Variants in OTUD7A observed in about 807,000 individuals in gnomAD.
OTUD7A encodes the protein OTU domain-containing protein 7A.
Under a neutral mutation model 65.7 loss-of-function variants are expected in OTUD7A, and 12 were observed. The observed-to-expected ratio is 0.18, with a 90% CI of 0.12 to 0.30. The LOEUF is 0.30. OTUD7A is among the 10% of genes least tolerant of loss of function. OTUD7A has a pLI of 1.00. For synonymous variants in OTUD7A, 641 were observed against 586.3 expected, an observed-to-expected ratio of 1.09 and a Z score of -1.35; for missense variants, 1,148 against 1,304.8, an observed-to-expected ratio of 0.88 and a Z score of 1.85.
At position 31,483,862 on chromosome 15, in the gene OTUD7A, G is replaced by A. The variant is rs1372079120; in HGVS notation, c.2234C>T (p.Ala745Val). 1.7e-5 allele frequency: 17 copies of A among 985,924 alleles called. No individual in the cohort carries two copies. Among genetic ancestry groups the A allele is most frequent in the Non-Finnish European group, 1.8e-5 (15 of 832,218 alleles). The allele number at this position is 985,924 out of a possible 1,614,324, so 61.1% of individuals were successfully genotyped here. The change falls in exon 13 of 13, where the codon GCG becomes GTG. Residue 745 changes from alanine (A) to valine (V), a missense_variant. By Grantham distance (64) the Ala-to-Val change is moderately conservative. Transcript: ENST00000307050. ...CCCCGGGGAGGCCGTGCCGCCCGCCGCCGCCCGCGCCGCACGCCCTGCCGC... is the reference window on the plus strand; with the variant it reads ...CCCCGGGGAGGCCGTGCCGCCCGCCACCGCCCGCGCCGCACGCCCTGCCGC... ...GPAAGRAARA[A>V]AGGTASPGGG... is the part of the protein sequence containing the mutation.
intron 8 of OTUD7A, among the ~76,000 whole-genome samples, chr15:31,516,663 G>A (rs904147301): frequency 4.6e-5 from 7 of 152,318 alleles, no homozygotes; most frequent in East Asian, 1.9e-4. Flanking sequence ...ACTTAGAGGC[G>A]ACTCTCTGCC....
intron 1 of OTUD7A, among the ~76,000 whole-genome samples, chr15:31,810,588 TTCA>T (rs1896391985): frequency 6.6e-6 from 1 of 152,162 alleles, no homozygotes; most frequent in East Asian, 1.9e-4. Flanking sequence ...TGCCAGCACC[TTCA>T]TCTGGGATTT....
At chr15:31,583,044 GA>G (rs201722946) in intron 3 of OTUD7A, among the ~76,000 whole-genome samples, 9,343 of 152,252 alleles carry the variant, frequency 0.061, 979 homozygotes, top group African/African-American at 0.21. Context: ...CAGTATGCTG[GA>G]AAGTGTGTTC....
At chr15:31,782,490 T>C (rs567463663) in intron 1 of OTUD7A, among the ~76,000 whole-genome samples, 8 of 152,170 alleles carry the variant, frequency 5.3e-5, no homozygotes, top group African/African-American at 1.9e-4. Context: ...CACAGGCAGA[T>C]GCTAGGATTC....
intron 1 of OTUD7A, among the ~76,000 whole-genome samples, chr15:31,666,040 T>G (rs1381115121): frequency 2.0e-5 from 3 of 152,006 alleles, no homozygotes; most frequent in African/African-American, 7.3e-5. Flanking sequence ...TTTTTGATAT[T>G]TTGTTGGATT....
At chr15:31,848,694 CAAAT>C (rs1004541750) in intron 1 of OTUD7A, among the ~76,000 whole-genome samples, 7 of 152,188 alleles carry the variant, frequency 4.6e-5, no homozygotes, top group African/African-American at 9.7e-5. Context: ...TGATAGCAAA[CAAAT>C]AGAGTTCTGA....
At chr15:31,585,481 A>G (rs74012546) in intron 3 of OTUD7A, among the ~76,000 whole-genome samples, 4,022 of 152,292 alleles carry the variant, frequency 0.026, 176 homozygotes, top group African/African-American at 0.091. Context: ...ACCCAGGAGA[A>G]TACCTACAGG....
intron 1 of OTUD7A, among the ~76,000 whole-genome samples, chr15:31,732,824 T>C (rs956767973): frequency 6.6e-6 from 1 of 152,234 alleles, no homozygotes; most frequent in African/African-American, 2.4e-5. Flanking sequence ...TCACACAGAA[T>C]ACTTGCTTAC....
intron 1 of OTUD7A, among the ~76,000 whole-genome samples, chr15:31,854,384 T>C (rs905950515): frequency 7.9e-5 from 12 of 152,326 alleles, no homozygotes; most frequent in East Asian, 3.9e-4. Context: ...AGATGACATA[T>C]GCAGAGGTTC....
At chr15:31,856,643 A>C (rs1054813838) in intron 1 of OTUD7A, among the ~76,000 whole-genome samples, 5 of 152,226 alleles carry the variant, frequency 3.3e-5, no homozygotes, top group Admixed American at 3.3e-4. Flanking sequence ...AGCAAAGTGA[A>C]GCTCACTCAG....
intron 3 of OTUD7A, among the ~76,000 whole-genome samples, chr15:31,593,708 G>A (rs984736924): frequency 1.3e-5 from 2 of 152,020 alleles, no homozygotes; most frequent in African/African-American, 2.4e-5. Context: ...CAGCGGGGGG[G>A]ACTTTTAGAA....
At chr15:31,769,559 C>T (rs968889718) in intron 1 of OTUD7A, among the ~76,000 whole-genome samples, 3 of 152,188 alleles carry the variant, frequency 2.0e-5, no homozygotes, top group African/African-American at 7.2e-5. Flanking sequence ...TAGAACCTCC[C>T]AAATATCCTT....
At chr15:31,787,339 T>A (rs1351338924) in intron 1 of OTUD7A, among the ~76,000 whole-genome samples, 1 of 152,208 alleles carries the variant, frequency 6.6e-6, no homozygotes, top group Non-Finnish European at 1.5e-5. Context: ...GGTTTTCTAA[T>A]ACGAATTATA....
intron 1 of OTUD7A, among the ~76,000 whole-genome samples, chr15:31,796,609 C>T (rs148701213): frequency 8.5e-5 from 13 of 152,258 alleles, no homozygotes; most frequent in South Asian, 2.1e-4. Flanking sequence ...ATTTAATCAC[C>T]GTGATTGTTA....
chr15:31,813,090 G>A (rs1567036652), intron 1 of OTUD7A, among the ~76,000 whole-genome samples: 1 of 152,164 alleles, frequency 6.6e-6, no homozygotes, highest in Admixed American at 6.5e-5. Context: ...GCTGTCAAAC[G>A]CCGGGGAGCC....
intron 1 of OTUD7A, among the ~76,000 whole-genome samples, chr15:31,836,862 A>T (rs371432500): frequency 1.5e-4 from 23 of 152,216 alleles, no homozygotes; most frequent in Non-Finnish European, 2.8e-4. Flanking sequence ...GGCCATCTAT[A>T]AAAAACAGAT....
intron 3 of OTUD7A, among the ~76,000 whole-genome samples, chr15:31,596,774 C>A (rs1889916294): frequency 6.6e-6 from 1 of 151,726 alleles, no homozygotes; most frequent in African/African-American, 2.4e-5. Context: ...CATGTATCTT[C>A]TTCTTTTCTG....
intron 3 of OTUD7A, among the ~76,000 whole-genome samples, chr15:31,601,522 G>A (rs759443486): frequency 6.6e-6 from 1 of 152,018 alleles, no homozygotes; most frequent in African/African-American, 2.4e-5. Context: ...ATCTAAAATC[G>A]ACACCCTAAC....
At chr15:31,616,567 A>G (rs1393865308) in intron 3 of OTUD7A, among the ~76,000 whole-genome samples, 3 of 152,108 alleles carry the variant, frequency 2.0e-5, no homozygotes, top group African/African-American at 7.2e-5. Flanking sequence ...TTTATTTGAG[A>G]CAGAGTCTTG....
Sources: gnomAD v4.1 joint callset for allele counts (sites outside exome capture counted in the v4.1 genomes callset) on GRCh38, gnomAD v4.1.1 for gene constraint, MANE v1.5 for transcripts, NCBI Gene and HGNC (gene_info 2026-07-23, HGNC 2026-07-21) for gene names.